THAP2: variants seen among roughly 807,000 people sequenced by gnomAD.
THAP2 encodes the protein THAP domain containing 2, also known as THAP domain-containing protein 2.
Under a neutral mutation model 18.8 loss-of-function variants are expected in THAP2, and 16 were observed. That is an observed-to-expected ratio of 0.85 (90% CI 0.58 to 1.29). The LOEUF is 1.29. Ranked by LOEUF, THAP2 falls within the 50% of genes most tolerant of loss-of-function variation. The probability of loss-of-function intolerance (pLI) is 0.00; values close to 1 mark genes in which losing one functional copy is unlikely to be tolerated. For missense variants in THAP2, 251 were observed against 265.3 expected, an observed-to-expected ratio of 0.95 and a Z score of 0.38; for synonymous variants, 80 against 89.2, an observed-to-expected ratio of 0.90 and a Z score of 0.58.
Position 71,664,425 on chromosome 12 carries a change from C to G in THAP2, c.-85C>G. On this transcript the variant is annotated 5_prime_UTR_variant, in exon 1 of 3. Coordinates refer to ENST00000308086, the MANE Select transcript of THAP2 (RefSeq NM_031435.4). ...TCTCACGATTAAGGCACGCCTGCCT[C>G]GATTGTCCAGCCTCTGCCAGAAGAA... 4.5e-6 allele frequency: 7 copies of G among 1,557,392 alleles called. No homozygotes were observed. Among genetic ancestry groups the G allele is most frequent in the Non-Finnish European group, 5.3e-6 (6 of 1,129,968 alleles).
rs1210585849 is a variant in THAP2, at chr12:71,677,193, T to C, written c.*85T>C. On this transcript the variant is annotated 3_prime_UTR_variant, in exon 3 of 3. Transcript: ENST00000308086. The stretch of plus-strand genomic sequence containing the variant: ...ATGGCACTTATGCCAAAATTCATTA[T>C]TTAATAAAGTTTTACTTGAAGTAAC... 4.8e-6 allele frequency: 6 copies of C among 1,240,594 alleles called. 1 individual carries two copies. Among genetic ancestry groups the C allele is most frequent in the Non-Finnish European group, 6.4e-6 (6 of 944,426 alleles). The allele number at this position is 1,240,594 out of a possible 1,614,324, so 76.8% of individuals were successfully genotyped here. A position where few individuals can be genotyped will look rare whatever the true frequency, so the allele number is the denominator to read the frequency against.
At chr12:71,665,253 T>A in intron 1 of THAP2, 1 of 320,270 alleles carries the variant, frequency 3.1e-6, no homozygotes, top group Non-Finnish European at 5.8e-6. Flanking sequence ...AATGTTTACC[T>A]TCTCTGCAAG....
intron 2 of THAP2, 106 bp downstream of exon 2, chr12:71,674,504 A>T: frequency 9.1e-7 from 1 of 1,100,878 alleles, no homozygotes; most frequent in African/African-American, 1.6e-5. Context: ...GCCTCAAAAA[A>T]GTTGCAGACC....
chr12:71,668,441 G>A (rs1179355723), intron 1 of THAP2, among the ~76,000 whole-genome samples: 2 of 150,502 alleles, frequency 1.3e-5, no homozygotes, highest in Non-Finnish European at 2.9e-5. Context: ...CACACTAGGT[G>A]CCATTCTTAT....
At chr12:71,667,229 T>G (rs889921619) in intron 1 of THAP2, among the ~76,000 whole-genome samples, 2 of 152,344 alleles carry the variant, frequency 1.3e-5, no homozygotes, top group East Asian at 3.9e-4. Flanking sequence ...ATACTCTCTA[T>G]GACACTAATT....
chr12:71,664,514 C>G lies in THAP2; in HGVS notation c.5C>G (p.Pro2Arg), dbSNP rs1297700977. The stretch of plus-strand genomic sequence containing the variant: ...CTGAATGAGTGGGAAAGGGAAATGC[C>G]GACCAATTGCGCTGCGGCGGGCTGT... MPTNCAAAGCAT... is the reference protein window; with the variant it reads MRTNCAAAGCAT... The change falls in exon 1 of 3, where the codon CCG (proline) becomes CGG (arginine). Residue 2 changes from proline to arginine, a missense_variant. Coordinates refer to ENST00000308086, the MANE Select transcript of THAP2 (RefSeq NM_031435.4). 1 of 1,614,164 alleles carries G rather than the reference C, an allele frequency of 6.2e-7. No individual in the cohort carries two copies.
intron 1 of THAP2, among the ~76,000 whole-genome samples, chr12:71,669,053 G>C (rs1295945789): frequency 6.6e-6 from 1 of 152,132 alleles, no homozygotes; most frequent in Non-Finnish European, 1.5e-5. Context: ...AAAATCTAAA[G>C]ACTAGTAGTG....
chr12:71,671,243 C>G (rs1881431684), intron 1 of THAP2, among the ~76,000 whole-genome samples: 2 of 152,196 alleles, frequency 1.3e-5, no homozygotes. Flanking sequence ...GCTTTAGTTT[C>G]AGAGACCCTA....
At position 71,677,559 on chromosome 12, in the gene THAP2, A is replaced by G. The variant is rs1192257841; in HGVS notation, c.*451A>G. 6.6e-6 allele frequency: 1 copy of G among 152,178 alleles called. No individual in the cohort carries two copies. Among genetic ancestry groups the G allele is most frequent in the African/African-American group, 2.4e-5 (1 of 41,462 alleles). The allele number at this position is 152,178 out of a possible 1,614,324, so 9.4% of individuals were successfully genotyped here. ...TAATTAAATTATAATTGGCACTGTG[A>G]TTTGAAAAATTTATAGAAAAAAAGG... On this transcript the variant is annotated 3_prime_UTR_variant, in exon 3 of 3. Transcript: ENST00000308086.
intron 2 of THAP2, among the ~76,000 whole-genome samples, chr12:71,675,732 T>G (rs1325838717): frequency 6.6e-6 from 1 of 152,122 alleles, no homozygotes; most frequent in Non-Finnish European, 1.5e-5. Context: ...ATCAAGATGG[T>G]AAATTGCAGA....
Position 71,664,373 on chromosome 12 carries a change from C to T in THAP2, c.-137C>T, listed in dbSNP as rs1881284645. 2.0e-6 allele frequency: 2 copies of T among 1,023,104 alleles called. No individual in the cohort carries two copies. The highest frequency in any genetic ancestry group is 1.4e-5 in the South Asian group (1 of 74,054). The allele number at this position is 1,023,104 out of a possible 1,614,324, so 63.4% of individuals were successfully genotyped here. On this transcript the variant is annotated 5_prime_UTR_variant, in exon 1 of 3. Coordinates refer to ENST00000308086, the MANE Select transcript of THAP2 (RefSeq NM_031435.4). Reference sequence around the variant, plus strand: ...CTCCGCCCCCACATACACACCCCTTCTTCCCACTCCGCTCTCACGACTAAG... The same window carrying T: ...CTCCGCCCCCACATACACACCCCTTTTTCCCACTCCGCTCTCACGACTAAG...
chr12:71,670,896 A>G (rs1263785376), intron 1 of THAP2, among the ~76,000 whole-genome samples: 3 of 148,088 alleles, frequency 2.0e-5, no homozygotes, highest in Non-Finnish European at 4.4e-5. Context: ...CCGAGATGGC[A>G]CCATTCACTC....
At chr12:71,670,212 T>C (rs1358507899) in intron 1 of THAP2, among the ~76,000 whole-genome samples, 1 of 152,200 alleles carries the variant, frequency 6.6e-6, no homozygotes, top group African/African-American at 2.4e-5. Flanking sequence ...CATTTGGGTC[T>C]TCTGAACCAC....
Position 71,677,174 on chromosome 12 carries a change from C to T in THAP2, c.*66C>T. ...TTCAGAAGTAAAGATAATTATGGCACTTATGCCAAAATTCATTATTTAATA... is the reference window on the plus strand; with the variant it reads ...TTCAGAAGTAAAGATAATTATGGCATTTATGCCAAAATTCATTATTTAATA... On this transcript the variant is annotated 3_prime_UTR_variant, in exon 3 of 3. Coordinates refer to ENST00000308086, the MANE Select transcript of THAP2 (RefSeq NM_031435.4). The T allele has an allele frequency of 1.5e-6, 2 of 1,329,590 alleles. No homozygotes were observed. Among genetic ancestry groups the T allele is most frequent in the Non-Finnish European group, 2.0e-6 (2 of 1,010,358 alleles). The allele number at this position is 1,329,590 out of a possible 1,614,324, so 82.4% of individuals were successfully genotyped here.
chr12:71,677,942 GTTTTCT>G lies in THAP2; in HGVS notation c.*839_*844del, dbSNP rs1256520760. On this transcript the variant is annotated 3_prime_UTR_variant, in exon 3 of 3. Transcript: ENST00000308086. ...ATAACCAAAACTCCTAAGGTTTTTT[GTTTTCT>G]TTTTAACTACTTTCCAAATGCATAC... 3 of 151,486 alleles carry G rather than the reference GTTTTCT, an allele frequency of 2.0e-5. No individual in the cohort carries two copies. The highest frequency in any genetic ancestry group is 7.3e-5 in the African/African-American group (3 of 41,016). The allele number at this position is 151,486 out of a possible 1,614,324, so 9.4% of individuals were successfully genotyped here.
intron 1 of THAP2, among the ~76,000 whole-genome samples, chr12:71,671,668 C>A (rs1254395018): frequency 6.6e-6 from 1 of 152,170 alleles, no homozygotes; most frequent in African/African-American, 2.4e-5. Flanking sequence ...ATGGTGCAGT[C>A]CTTGTATACT....
At position 71,678,098 on chromosome 12, in the gene THAP2, A is replaced by G. The variant is rs1027794098; in HGVS notation, c.*990A>G. ...CTTTGTATTGATAACTTAAAATGGC[A>G]TCAGTTTATCTTAGACATCAGCTTG... On this transcript the variant is annotated 3_prime_UTR_variant, in exon 3 of 3. Transcript: ENST00000308086. The G allele has an allele frequency of 6.6e-5, 10 of 152,144 alleles. No individual in the cohort carries two copies. The East Asian group carries it at 1.9e-3, about 29-fold the overall frequency. The allele number at this position is 152,144 out of a possible 1,614,324, so 9.4% of individuals were successfully genotyped here.
At chr12:71,674,518 C>G (rs1881492864) in intron 2 of THAP2, 120 bp downstream of exon 2, 1 of 848,020 alleles carries the variant, frequency 1.2e-6, no homozygotes, top group Non-Finnish European at 1.7e-6. Context: ...GCAGACCTTC[C>G]TCTTGTACAG....
chr12:71,666,012 A>C (rs1189969012), intron 1 of THAP2, among the ~76,000 whole-genome samples: 1 of 152,230 alleles, frequency 6.6e-6, no homozygotes, highest in Non-Finnish European at 1.5e-5. Flanking sequence ...ATCAGCATTG[A>C]ATTAGGGAAT....
Sources: gnomAD v4.1 joint callset for allele counts (sites outside exome capture counted in the v4.1 genomes callset) on GRCh38, gnomAD v4.1.1 for gene constraint, MANE v1.5 for transcripts, NCBI Gene and HGNC (gene_info 2026-07-23, HGNC 2026-07-21) for gene names.